GABRG3: variants seen among roughly 807,000 people sequenced by gnomAD.
The protein encoded by GABRG3 is gamma-aminobutyric acid type A receptor subunit gamma3.
A neutral mutation model predicts 48.8 loss-of-function variants in GABRG3; 25 were observed. That is an observed-to-expected ratio of 0.51 (90% CI 0.37 to 0.72). The LOEUF (loss-of-function observed/expected upper bound fraction) is 0.72, where lower values mean the gene tolerates loss of function less well. Among genes scored for constraint, GABRG3 ranks in the 30% least tolerant of loss-of-function variants. GABRG3 has a pLI of 0.00. For synonymous variants in GABRG3, 227 were observed against 217.6 expected (o/e 1.04, Z -0.38); for missense variants, 394 against 577.9 (o/e 0.68, Z 3.26).
At chr15:27,067,725 A>C (rs1896760982) in intron 3 of GABRG3, among the ~76,000 whole-genome samples, 1 of 152,184 alleles carries the variant, frequency 6.6e-6, no homozygotes. Context: ...AGGTCTGTTC[A>C]GGCGGCTCTG....
chr15:27,389,070 G>A (rs553503301), intron 5 of GABRG3, among the ~76,000 whole-genome samples: 21 of 152,094 alleles, frequency 1.4e-4, no homozygotes, highest in Non-Finnish European at 2.2e-4. Flanking sequence ...CCCACAAATC[G>A]ATACCAACAA....
chr15:27,078,842 A>G (rs2140742077), intron 3 of GABRG3, among the ~76,000 whole-genome samples: 1 of 152,340 alleles, frequency 6.6e-6, no homozygotes, highest in South Asian at 2.1e-4. Context: ...CTGGAACCTC[A>G]GAATATGACC....
chr15:27,253,783 G>A (rs868353276), intron 3 of GABRG3, among the ~76,000 whole-genome samples: 2 of 152,188 alleles, frequency 1.3e-5, no homozygotes, highest in Non-Finnish European at 2.9e-5. Context: ...CAGCCGGGTT[G>A]TCTTTTGCAA....
chr15:27,323,754 C>T (rs528152869), intron 3 of GABRG3, among the ~76,000 whole-genome samples: 1 of 152,290 alleles, frequency 6.6e-6, no homozygotes, highest in East Asian at 1.9e-4. Context: ...GTCTCCAGCA[C>T]CTGCACACCC....
At chr15:27,380,382 T>C (rs1317790768) in intron 5 of GABRG3, among the ~76,000 whole-genome samples, 1 of 152,124 alleles carries the variant, frequency 6.6e-6, no homozygotes, top group East Asian at 1.9e-4. Context: ...TATCTGAGTC[T>C]GGTTATGATG....
intron 3 of GABRG3, among the ~76,000 whole-genome samples, chr15:27,080,085 G>A (rs1173456789): frequency 2.6e-5 from 4 of 152,064 alleles, no homozygotes; most frequent in African/African-American, 9.7e-5. Context: ...TCCTAGAGTA[G>A]ATGCGTCCTC....
chr15:27,513,103 C>T, intron 6 of GABRG3, among the ~76,000 whole-genome samples: 1 of 151,800 alleles, frequency 6.6e-6, no homozygotes, highest in South Asian at 2.1e-4. Flanking sequence ...AGATATCAAG[C>T]AGGCCAGGAG....
At chr15:27,416,318 G>A (rs1887938762) in intron 5 of GABRG3, among the ~76,000 whole-genome samples, 2 of 152,244 alleles carry the variant, frequency 1.3e-5, no homozygotes, top group South Asian at 4.1e-4. Context: ...CCACTTGACT[G>A]AATTTCCCCG....
intron 3 of GABRG3, among the ~76,000 whole-genome samples, chr15:27,230,983 G>C (rs1889777018): frequency 6.6e-6 from 1 of 150,952 alleles, no homozygotes; most frequent in African/African-American, 2.4e-5. Flanking sequence ...TATTTTAAGT[G>C]GTTGAGCCAA....
intron 2 of GABRG3, among the ~76,000 whole-genome samples, chr15:27,001,182 G>C (rs145467252): frequency 1.4e-3 from 215 of 152,296 alleles, no homozygotes; most frequent in African/African-American, 4.8e-3. Context: ...AGATTGTCTT[G>C]AAAAACATTG....
chr15:27,062,187 C>T (rs951222097), intron 3 of GABRG3, among the ~76,000 whole-genome samples: 1 of 152,026 alleles, frequency 6.6e-6, no homozygotes, highest in South Asian at 2.1e-4. Flanking sequence ...CGGGGACTCC[C>T]CTTTGGAGCC....
intron 6 of GABRG3, among the ~76,000 whole-genome samples, chr15:27,492,995 C>T (rs1215349003): frequency 1.3e-5 from 2 of 152,170 alleles, no homozygotes; most frequent in African/African-American, 2.4e-5. Flanking sequence ...TGTGGAGATG[C>T]ACCAAGATAA....
At chr15:27,003,692 C>T (rs1259864483) in intron 2 of GABRG3, among the ~76,000 whole-genome samples, 1 of 152,174 alleles carries the variant, frequency 6.6e-6, no homozygotes, top group African/African-American at 2.4e-5. Flanking sequence ...TTCTATTCCA[C>T]AAAACCGCCA....
intron 3 of GABRG3, among the ~76,000 whole-genome samples, chr15:27,301,223 G>A (rs1422123630): frequency 6.6e-6 from 1 of 152,124 alleles, no homozygotes; most frequent in Non-Finnish European, 1.5e-5. Flanking sequence ...GGTAATTATA[G>A]TTGAAAACTC....
At chr15:27,314,727 A>G (rs997478410) in intron 3 of GABRG3, among the ~76,000 whole-genome samples, 3 of 152,256 alleles carry the variant, frequency 2.0e-5, no homozygotes, top group African/African-American at 7.2e-5. Context: ...TAACCTTTAA[A>G]AAAGAAGAAA....
intron 3 of GABRG3, among the ~76,000 whole-genome samples, chr15:27,286,815 G>T (rs866746778): frequency 3.3e-5 from 5 of 152,084 alleles, no homozygotes; most frequent in African/African-American, 1.2e-4. Flanking sequence ...ATTACCTATG[G>T]CAGGGAGAGC....
At chr15:27,031,606 A>G (rs942538011) in intron 3 of GABRG3, among the ~76,000 whole-genome samples, 2 of 152,188 alleles carry the variant, frequency 1.3e-5, no homozygotes, top group African/African-American at 4.8e-5. Flanking sequence ...ATTATACTAT[A>G]TGATAGATCA....
intron 5 of GABRG3, among the ~76,000 whole-genome samples, chr15:27,439,658 T>C (rs552250387): frequency 6.6e-6 from 1 of 152,336 alleles, no homozygotes; most frequent in Admixed American, 6.5e-5. Context: ...GACCCTCTGC[T>C]AGCTGTGCTG....
At chr15:27,350,522 G>A (rs1356839720) in intron 5 of GABRG3, 1 of 225,006 alleles carries the variant, frequency 4.4e-6, no homozygotes, top group African/African-American at 2.3e-5. Flanking sequence ...AGGTAGGACA[G>A]ATGGCGAAGG....
Sources: allele counts gnomAD v4.1 joint callset (sites outside exome capture counted in the v4.1 genomes callset), GRCh38; gene constraint gnomAD v4.1.1; transcripts MANE v1.5; gene names NCBI Gene and HGNC (gene_info 2026-07-23, HGNC 2026-07-21).